The following MOSMO variants were observed in gnomAD, a reference collection of about 807,000 sequenced individuals.
MOSMO encodes modulator of smoothened protein.
A neutral mutation model predicts 18.4 loss-of-function variants in MOSMO; 5 were observed. That is an observed-to-expected ratio of 0.27 (90% confidence interval 0.14 to 0.57). The LOEUF is 0.57. Among genes scored for constraint, MOSMO ranks in the 20% least tolerant of loss-of-function variants. The pLI is 0.92. For missense variants in MOSMO, 138 were observed against 211.8 expected (o/e 0.65, Z 2.16); for synonymous variants, 82 against 82.3 (o/e 1.00, Z 0.02).
At chr16:22,011,825 C>A (rs1180411221) in intron 1 of MOSMO, among the ~76,000 whole-genome samples, 2 of 151,334 alleles carry the variant, frequency 1.3e-5, no homozygotes, top group Admixed American at 6.6e-5. Context: ...AGGCAGTAAA[C>A]CCCCCAAAAC....
rs1007112259 is a variant in MOSMO, at chr16:22,082,135, C to G, written c.*1255C>G. Reference sequence around the variant, plus strand: ...CTGGCTATTTTGGCTATTTACAACACTAATTTCATTATTTTTATCTGTAAG... The same window carrying G: ...CTGGCTATTTTGGCTATTTACAACAGTAATTTCATTATTTTTATCTGTAAG... On this transcript the variant is annotated 3_prime_UTR_variant, in exon 3 of 3. Coordinates refer to ENST00000542527, the MANE Select transcript of MOSMO (RefSeq NM_001164579.2). 1 of 152,140 alleles carries G rather than the reference C, an allele frequency of 6.6e-6. No individual in the cohort carries two copies. Among genetic ancestry groups the G allele is most frequent in the East Asian group, 1.9e-4 (1 of 5,204 alleles). The allele number at this position is 152,140 out of a possible 1,614,324, so 9.4% of individuals were successfully genotyped here.
chr16:22,038,552 G>A (rs537619500), intron 1 of MOSMO, among the ~76,000 whole-genome samples: 56 of 152,250 alleles, frequency 3.7e-4, no homozygotes, highest in Middle Eastern at 6.8e-3. Context: ...GATGAAGTTA[G>A]GTTACAGATA....
In MOSMO at chr16:22,024,229, C is replaced by G. The variant is rs959981105; in HGVS notation, c.106+15822C>G. Among the ~76,000 whole-genome samples, 2 of 151,970 alleles carry G rather than the reference C, an allele frequency of 1.3e-5. 1 individual carries two copies. The highest frequency in any genetic ancestry group is 4.8e-5 in the African/African-American group (2 of 41,318). ...GAAGACAGGAGAATAAATTGACTCA[C>G]TTTACCTCCCAGCAATGTTTAATGA... On this transcript the variant is annotated intron_variant, in intron 1 of 2. Coordinates refer to ENST00000542527, the MANE Select transcript of MOSMO (RefSeq NM_001164579.2).
chr16:22,071,569 G>A (rs1900852697), intron 1 of MOSMO, among the ~76,000 whole-genome samples: 1 of 152,190 alleles, frequency 6.6e-6, no homozygotes, highest in African/African-American at 2.4e-5. Context: ...CAGATGATGA[G>A]CGTCGAAGCT....
rs146831452 is a variant in MOSMO, at chr16:22,080,661, A to G, written c.320-35A>G. 1.5e-4 allele frequency: 185 copies of G among 1,273,812 alleles called. No homozygotes were observed. The Middle Eastern group carries it at 2.5e-3, about 17-fold the overall frequency. 78.9% of individuals were successfully genotyped at this position (1,273,812 alleles called of 1,614,324 possible). A position where few individuals can be genotyped will look rare whatever the true frequency, so the allele number is the denominator to read the frequency against. ...CATTGTTTTTTGAAATCACCAAACC[A>G]TGTTACTAATGTTGTGTTTTGGTTT... On this transcript the variant is annotated intron_variant, in intron 2 of 2. Coordinates refer to ENST00000542527, the MANE Select transcript of MOSMO (RefSeq NM_001164579.2).
intron 1 of MOSMO, among the ~76,000 whole-genome samples, chr16:22,069,070 G>A (rs1017249649): frequency 4.6e-5 from 7 of 152,054 alleles, no homozygotes; most frequent in African/African-American, 1.7e-4. Context: ...ATCTCTTCAG[G>A]TTCAGTAAGG....
intron 1 of MOSMO, among the ~76,000 whole-genome samples, chr16:22,042,477 G>T (rs1419793985): frequency 6.6e-6 from 1 of 152,038 alleles, no homozygotes; most frequent in Non-Finnish European, 1.5e-5. Context: ...GTATCTAAAA[G>T]TTACCTTTCA....
intron 1 of MOSMO, among the ~76,000 whole-genome samples, chr16:22,044,542 T>C (rs1342055251): frequency 6.6e-6 from 1 of 152,146 alleles, no homozygotes; most frequent in Non-Finnish European, 1.5e-5. Flanking sequence ...GATTTTTGGA[T>C]TGGGGATGCT....
intron 1 of MOSMO, among the ~76,000 whole-genome samples, chr16:22,059,920 T>A (rs1310914819): frequency 1.3e-5 from 2 of 152,214 alleles, no homozygotes; most frequent in Non-Finnish European, 2.9e-5. Context: ...CTCATGCCTG[T>A]AACCCCAACA....
intron 1 of MOSMO, among the ~76,000 whole-genome samples, chr16:22,045,321 T>C (rs1375214441): frequency 6.6e-6 from 1 of 152,058 alleles, no homozygotes; most frequent in African/African-American, 2.4e-5. Flanking sequence ...TTTAGAAAAA[T>C]GTGATGTTTT....
chr16:22,023,745 T>C (rs941455365), intron 1 of MOSMO, among the ~76,000 whole-genome samples: 1 of 152,118 alleles, frequency 6.6e-6, no homozygotes, highest in Non-Finnish European at 1.5e-5. Flanking sequence ...TCTTTACCAA[T>C]AGCTCTCTGC....
At chr16:22,048,428 TA>T (rs1488052827) in intron 1 of MOSMO, among the ~76,000 whole-genome samples, 1 of 152,216 alleles carries the variant, frequency 6.6e-6, no homozygotes, top group African/African-American at 2.4e-5. Context: ...CAACAATGTG[TA>T]AAAGTATATT....
At chr16:22,064,442 A>C (rs775233933) in intron 1 of MOSMO, 1 of 456,180 alleles carries the variant, frequency 2.2e-6, no homozygotes, top group South Asian at 1.5e-5. Context: ...AGAAACAGTA[A>C]GTATCCTTGA....
downstream of MOSMO, chr16:22,084,718 T>C (rs983490867): frequency 2.0e-5 from 3 of 152,194 alleles, no homozygotes; most frequent in Non-Finnish European, 4.4e-5. Flanking sequence ...GTTTCACATA[T>C]TCACAAGTGC....
intron 1 of MOSMO, among the ~76,000 whole-genome samples, chr16:22,056,365 C>CTTTTTTTTTTTTTTTTTTTTTTTTTTTT (rs35642716): frequency 1.8e-5 from 1 of 54,612 alleles, no homozygotes; most frequent in Admixed American, 2.9e-4. Context: ...TTCTTTCTTT[C>CTTTTTTTTTTTTTTTTTTTTTTTTTTTT]TTTTTTTTTT....
At chr16:22,060,340 TC>T (rs1459921852) in intron 1 of MOSMO, among the ~76,000 whole-genome samples, 3 of 152,216 alleles carry the variant, frequency 2.0e-5, no homozygotes, top group African/African-American at 7.2e-5. Context: ...AACTCTTTAA[TC>T]ATTGGACAAC....
chr16:22,070,996 A>C (rs987694435), intron 1 of MOSMO, among the ~76,000 whole-genome samples: 2 of 152,196 alleles, frequency 1.3e-5, no homozygotes, highest in Non-Finnish European at 2.9e-5. Flanking sequence ...ATTTCAGTTC[A>C]ATTGGGATAC....
chr16:22,047,764 C>G (rs568127841), intron 1 of MOSMO, among the ~76,000 whole-genome samples: 2 of 152,146 alleles, frequency 1.3e-5, no homozygotes, highest in Non-Finnish European at 2.9e-5. Context: ...GAAGCTGACA[C>G]TGAGACAGAG....
chr16:22,065,201 TA>T (rs1900726466), intron 1 of MOSMO, among the ~76,000 whole-genome samples: 1 of 152,154 alleles, frequency 6.6e-6, no homozygotes, highest in Admixed American at 6.5e-5. Context: ...GCCTCCAAAC[TA>T]CAGTCATGCT....
Sources: gnomAD v4.1 joint callset for allele counts (sites outside exome capture counted in the v4.1 genomes callset) on GRCh38, gnomAD v4.1.1 for gene constraint, MANE v1.5 for transcripts, NCBI Gene and HGNC (gene_info 2026-07-23, HGNC 2026-07-21) for gene names.